B4GALT5: variants seen among roughly 807,000 people sequenced by gnomAD.
The protein encoded by B4GALT5 is UDP-Gal:beta-GlcNAc beta-1,4-galactosyltransferase 5.
A neutral mutation model predicts 45.0 loss-of-function variants in B4GALT5; 11 were observed. The observed-to-expected ratio is 0.24, with a 90% CI of 0.15 to 0.40. The LOEUF is 0.40. B4GALT5 is among the 10% of genes least tolerant of loss of function. B4GALT5 has a pLI of 1.00. For missense variants in B4GALT5, 337 were observed against 500.2 expected (o/e 0.67, Z 3.11); for synonymous variants, 185 against 182.9 (o/e 1.01, Z -0.09).
chr20:49,703,538 A>T (rs1759456389), intron 1 of B4GALT5, among the ~76,000 whole-genome samples: 1 of 152,154 alleles, frequency 6.6e-6, no homozygotes, highest in Non-Finnish European at 1.5e-5. Context: ...GATTATGAGG[A>T]TATGGGTCAA....
At chr20:49,698,101 T>A (rs2085846779) in intron 1 of B4GALT5, among the ~76,000 whole-genome samples, 2 of 152,116 alleles carry the variant, frequency 1.3e-5, no homozygotes, top group Non-Finnish European at 1.5e-5. Flanking sequence ...GCAGGCAGAT[T>A]ACCTGAAGTC....
chr20:49,637,523 A>G, intron 7 of B4GALT5, 81 bp from the exon 8 acceptor site: 2 of 1,006,478 alleles, frequency 2.0e-6, no homozygotes, highest in Non-Finnish European at 3.1e-6. Flanking sequence ...ACATGTTACA[A>G]GCTTACCCTG....
chr20:49,690,912 C>G (rs2085807944), intron 1 of B4GALT5, among the ~76,000 whole-genome samples: 1 of 152,076 alleles, frequency 6.6e-6, no homozygotes, highest in African/African-American at 2.4e-5. Flanking sequence ...TGCATATAAC[C>G]AAATGGAATC....
intron 2 of B4GALT5, among the ~76,000 whole-genome samples, chr20:49,652,009 G>A (rs1448304242): frequency 2.0e-5 from 3 of 152,124 alleles, no homozygotes; most frequent in Admixed American, 2.0e-4. Context: ...AATCTAGGAG[G>A]CGGAGGTTGC....
intron 1 of B4GALT5, among the ~76,000 whole-genome samples, chr20:49,695,221 G>C (rs55910066): frequency 7.3e-6 from 1 of 137,900 alleles, no homozygotes; most frequent in Admixed American, 7.7e-5. Flanking sequence ...TTTTTTTTTA[G>C]ACAGACTTTT....
intron 1 of B4GALT5, among the ~76,000 whole-genome samples, chr20:49,688,133 T>A (rs973263753): frequency 1.3e-5 from 2 of 152,108 alleles, no homozygotes; most frequent in African/African-American, 4.8e-5. Context: ...CATGGTAATG[T>A]CTCAGGCCTG....
At chr20:49,699,039 T>C (rs578224190) in intron 1 of B4GALT5, among the ~76,000 whole-genome samples, 6 of 152,192 alleles carry the variant, frequency 3.9e-5, no homozygotes, top group Admixed American at 6.5e-5. Context: ...CATAAAGGTA[T>C]AGCTTTTACT....
At chr20:49,636,560 C>T in intron 8 of B4GALT5, 101 bp from the exon 9 acceptor site, 1 of 1,330,262 alleles carries the variant, frequency 7.5e-7, no homozygotes, top group Non-Finnish European at 1.0e-6. Context: ...GGACGCAACC[C>T]ATGGCAGCAC....
At chr20:49,681,816 C>T (rs1048888694) in intron 1 of B4GALT5, among the ~76,000 whole-genome samples, 6 of 152,216 alleles carry the variant, frequency 3.9e-5, no homozygotes, top group African/African-American at 7.2e-5. Flanking sequence ...CCAAGAAAGG[C>T]TGGGCGTGGT....
At chr20:49,638,084 T>C (rs755790573) in intron 7 of B4GALT5, among the ~76,000 whole-genome samples, 7 of 151,912 alleles carry the variant, frequency 4.6e-5, no homozygotes, top group Non-Finnish European at 8.8e-5. Flanking sequence ...AGTGAGGTGA[T>C]CATGGTTCAG....
At chr20:49,702,235 C>G (rs777406902) in intron 1 of B4GALT5, among the ~76,000 whole-genome samples, 4 of 152,044 alleles carry the variant, frequency 2.6e-5, no homozygotes, top group Non-Finnish European at 4.4e-5. Flanking sequence ...AAAACAGCTT[C>G]AAACTTAAAC....
chr20:49,707,645 C>T (rs1423340747), intron 1 of B4GALT5, among the ~76,000 whole-genome samples: 1 of 152,126 alleles, frequency 6.6e-6, no homozygotes, highest in Admixed American at 6.6e-5. Context: ...GACAGGGTCT[C>T]ACTCTGGGTA....
At chr20:49,663,539 G>A (rs1344009537) in intron 1 of B4GALT5, among the ~76,000 whole-genome samples, 4 of 150,272 alleles carry the variant, frequency 2.7e-5, no homozygotes, top group Admixed American at 6.6e-5. Context: ...GGACATTTAC[G>A]TATTAAAAAA....
At chr20:49,665,087 T>G (rs2146341235) in intron 1 of B4GALT5, among the ~76,000 whole-genome samples, 1 of 152,286 alleles carries the variant, frequency 6.6e-6, no homozygotes, top group East Asian at 1.9e-4. Context: ...AGTGGCCACT[T>G]ACTCTCCAGG....
chr20:49,710,648 G>A (rs536835130), intron 1 of B4GALT5, among the ~76,000 whole-genome samples: 39 of 152,104 alleles, frequency 2.6e-4, no homozygotes, highest in African/African-American at 8.4e-4. Context: ...TTGAACTCCT[G>A]ACCTCATGAT....
chr20:49,639,631 G>T, intron 7 of B4GALT5, 47 bp downstream of exon 7: 2 of 1,607,538 alleles, frequency 1.2e-6, no homozygotes, highest in South Asian at 1.1e-5. Flanking sequence ...TTGGTCTGCA[G>T]TCTAAGGTAG....
chr20:49,644,237 T>G (rs2085589676), intron 3 of B4GALT5, among the ~76,000 whole-genome samples: 1 of 151,948 alleles, frequency 6.6e-6, no homozygotes, highest in Non-Finnish European at 1.5e-5. Context: ...TTCTTTTTTT[T>G]TTGTTTTGTT....
At chr20:49,651,063 C>G (rs976101766) in intron 2 of B4GALT5, among the ~76,000 whole-genome samples, 1 of 152,170 alleles carries the variant, frequency 6.6e-6, no homozygotes, top group East Asian at 1.9e-4. Flanking sequence ...GCGGATGGAT[C>G]ACCCAAGGTC....
chr20:49,642,773 A>G (rs1816710193), intron 4 of B4GALT5, among the ~76,000 whole-genome samples, 189 bp from the exon 5 acceptor site: 1 of 152,250 alleles, frequency 6.6e-6, no homozygotes, highest in African/African-American at 2.4e-5. Flanking sequence ...TGTGATTCTT[A>G]CATATACCAT....
Sources: gnomAD v4.1 joint callset for allele counts (sites outside exome capture counted in the v4.1 genomes callset) on GRCh38, gnomAD v4.1.1 for gene constraint, MANE v1.5 for transcripts, NCBI Gene and HGNC (gene_info 2026-07-23, HGNC 2026-07-21) for gene names.